Variants in EP400 observed in about 807,000 individuals in gnomAD.
The protein encoded by EP400 is E1A binding protein p400.
A neutral mutation model predicts 354.1 loss-of-function variants in EP400; 105 were observed. The ratio of observed to expected loss-of-function variants is 0.30; its 90% confidence interval spans 0.25 to 0.35. EP400 has a LOEUF of 0.35. Ranked by LOEUF, EP400 falls within the 10% of genes least tolerant of loss-of-function variation. The pLI, the probability that EP400 is intolerant of heterozygous loss-of-function variation, is 1.00. For missense variants in EP400, 3,280 were observed against 4,121.0 expected (o/e 0.80, Z 5.59); for synonymous variants, 1,646 against 1,716.9 (o/e 0.96, Z 1.02).
In EP400 at chr12:132,006,265, C is replaced by G. The variant is rs750870242; in HGVS notation, c.3089C>G (p.Ala1030Gly). 4.5e-5 allele frequency: 72 copies of G among 1,614,094 alleles called. No homozygotes were observed. Among genetic ancestry groups the G allele is most frequent in the Non-Finnish European group, 5.8e-5 (69 of 1,180,044 alleles). Reference protein sequence around the residue: ...DIADVTAVAEAILPKGSARVT... With the variant: ...DIADVTAVAEGILPKGSARVT... ...GCGGACGTCACTGCGGTGGCTGAAG[C>G]CATCCTGCCGAAGGGCAGTGCTCGG... The change falls in exon 14 of 53, where the codon GCC becomes GGC. Residue 1030 changes from alanine to glycine, a missense_variant. Physicochemically the swap from Ala to Gly is moderately conservative, Grantham distance 60. Coordinates refer to ENST00000389561, the MANE Select transcript of EP400 (RefSeq NM_015409.5).
At chr12:131,981,624 C>T in intron 4 of EP400, 28 bp downstream of exon 4, 1 of 1,558,430 alleles carries the variant, frequency 6.4e-7, no homozygotes, top group Non-Finnish European at 8.7e-7. Flanking sequence ...AGCCAGCTCC[C>T]CGCTCAGGAG....
chr12:131,957,736 C>T (rs925871825), intron 1 of EP400, among the ~76,000 whole-genome samples: 6 of 152,230 alleles, frequency 3.9e-5, no homozygotes, highest in African/African-American at 1.2e-4. Flanking sequence ...GCTGGGATTA[C>T]AGACGTGTGC....
Position 132,017,736 on chromosome 12 carries a change from C to A in EP400, c.4110+15C>A. 6.6e-7 allele frequency: 1 copy of A among 1,509,916 alleles called. No individual in the cohort carries two copies. Among genetic ancestry groups the A allele is most frequent in the South Asian group, 1.3e-5 (1 of 74,954 alleles). The allele number at this position is 1,509,916 out of a possible 1,614,324, so 93.5% of individuals were successfully genotyped here. A position where few individuals can be genotyped will look rare whatever the true frequency, so the allele number is the denominator to read the frequency against. On this transcript the variant is annotated intron_variant, in intron 20 of 52. Coordinates refer to ENST00000389561, the MANE Select transcript of EP400 (RefSeq NM_015409.5). The surrounding 1 kb of genome is among the most constrained non-coding windows in gnomAD (Gnocchi z 5.0). ...ATTTCTGGAAGGTAAGTGGAGGATC[C>A]AGAAAGCGGAATTACTGTTGGATAT...
intron 2 of EP400, among the ~76,000 whole-genome samples, chr12:131,963,050 T>C (rs1008175292): frequency 1.3e-5 from 2 of 152,272 alleles, no homozygotes; most frequent in African/African-American, 4.8e-5. Context: ...TCACCTCTAT[T>C]GTCCTGAAAT....
intron 22 of EP400, among the ~76,000 whole-genome samples, chr12:132,020,536 G>A (rs958324824): frequency 6.6e-5 from 10 of 152,192 alleles, no homozygotes; most frequent in Non-Finnish European, 1.0e-4. Flanking sequence ...TCCTGAGAAC[G>A]TCTGCTCATA....
chr12:131,997,197 GC>G (rs1225287567), intron 12 of EP400, among the ~76,000 whole-genome samples: 15 of 151,846 alleles, frequency 9.9e-5, no homozygotes, highest in Non-Finnish European at 2.2e-4. Context: ...CTTACTAATA[GC>G]CTACTGTTGA....
At position 132,017,642 on chromosome 12, in the gene EP400, G is replaced by T. The variant is rs1304241414; in HGVS notation, c.4031G>T (p.Gly1344Val). 1 of 1,606,722 alleles carries T rather than the reference G, an allele frequency of 6.2e-7. No homozygotes were observed. The highest frequency in any genetic ancestry group is 1.7e-5 in the Admixed American group (1 of 59,024). ...HPGLVEPRHP[G>V]SSYVAGPLEY... ...GGGCTCGTCGAGCCCCGGCACCCAG[G>T]CTCTTCCTACGTGGCGGGGCCACTG... Residue 1344 changes from glycine (G) to valine (V), a missense_variant, in exon 20 of 53, where the codon GGC (glycine) becomes GTC (valine). By Grantham distance (109) the Gly-to-Val change is moderately radical (BLOSUM62 -3). Around this residue, in one of 20 missense-constraint regions of EP400, gnomAD observed 342 missense variants for 342.7 expected, o/e 1.00. Transcript: ENST00000389561. The surrounding 1 kb of genome is among the most constrained non-coding windows in gnomAD (Gnocchi z 5.0).
intron 39 of EP400, among the ~76,000 whole-genome samples, chr12:132,046,257 A>G (rs778646376): frequency 3.3e-4 from 50 of 151,996 alleles, no homozygotes; most frequent in Admixed American, 2.7e-3. Context: ...ATATATATAC[A>G]TTTTCAAGAA....
chr12:132,056,328 G>A (rs1381146369), intron 45 of EP400, among the ~76,000 whole-genome samples: 3 of 152,048 alleles, frequency 2.0e-5, no homozygotes, highest in Non-Finnish European at 4.4e-5. Flanking sequence ...TGTCGTTGCT[G>A]TAGTAGCCTA....
intron 12 of EP400, among the ~76,000 whole-genome samples, chr12:131,999,137 G>T (rs1893321721): frequency 6.6e-6 from 1 of 151,852 alleles, no homozygotes; most frequent in Admixed American, 6.6e-5. Context: ...ATAACTGCAT[G>T]GTTCAAACCT....
At chr12:132,066,022 T>C (rs1051153887) in intron 48 of EP400, 5 of 152,232 alleles carry the variant, frequency 3.3e-5, no homozygotes, top group African/African-American at 1.2e-4. Flanking sequence ...TAGAGGAAAT[T>C]AAATGTCCAT....
chr12:131,983,628 G>T (rs1017635339), intron 5 of EP400, among the ~76,000 whole-genome samples: 1 of 152,218 alleles, frequency 6.6e-6, no homozygotes, highest in South Asian at 2.1e-4. Context: ...CCTTCCTTTT[G>T]CCTTCTCCCT....
chr12:131,972,433 G>A (rs1029791197), intron 2 of EP400, among the ~76,000 whole-genome samples: 6 of 151,948 alleles, frequency 3.9e-5, no homozygotes, highest in Admixed American at 1.3e-4. Flanking sequence ...GATTACAGGC[G>A]TGAGCCACCG....
rs764676697 is a variant in EP400, at chr12:132,006,131, C to A, written c.2955C>A (p.Gly985=). Residue 985 remains glycine, a synonymous_variant, in exon 14 of 53, where the codon GGC becomes GGA. Coordinates refer to ENST00000389561, the MANE Select transcript of EP400 (RefSeq NM_015409.5). ...TTACAGATGCAGATGACTGTCCAGG[C>A]GACAGGGAGAGTCGCAAGGACTTGG... ...SGEEDADDCP[G]DRESRKDLVL... 15 of 1,613,890 alleles carry A rather than the reference C, an allele frequency of 9.3e-6. No homozygotes were observed. In the South Asian group the frequency reaches 1.2e-4, roughly 13 times the overall value.
chr12:132,057,389 A>C (rs1413107825), intron 45 of EP400, among the ~76,000 whole-genome samples: 1 of 152,236 alleles, frequency 6.6e-6, no homozygotes, highest in Non-Finnish European at 1.5e-5. Flanking sequence ...TGCATTTTGC[A>C]GCTAAGTGAA....
Position 132,021,143 on chromosome 12 carries a change from G to C in EP400, c.4512G>C (p.Ser1504=), listed in dbSNP as rs761352121. The stretch of plus-strand genomic sequence containing the variant: ...GTGCTCCACGACACCAGCCCGCCTC[G>C]GCCTCCAGCACAGCCGCTAGCCCGG... The part of the protein sequence containing the change: ...SASAPRHQPA[S]ASSTAASPAH... The change falls in exon 23 of 53, where the codon TCG becomes TCC. Residue 1504 remains serine (S), a synonymous_variant. Coordinates refer to ENST00000389561, the MANE Select transcript of EP400 (RefSeq NM_015409.5). 6 of 1,600,206 alleles carry C rather than the reference G, an allele frequency of 3.7e-6. No homozygotes were observed. In the Admixed American group the frequency reaches 1.0e-4, roughly 27 times the overall value.
chr12:132,007,108 G>A (rs2047023469), intron 15 of EP400, among the ~76,000 whole-genome samples: 2 of 152,162 alleles, frequency 1.3e-5, no homozygotes, highest in Non-Finnish European at 2.9e-5. Context: ...ACAGAGACTC[G>A]TCAGGCTATG....
rs142436256 is a variant in EP400 at position 132,029,754 on chromosome 12, C to T, written c.5435C>T (p.Pro1812Leu). The stretch of plus-strand genomic sequence containing the variant: ...GCAGCACCCCCGTCCCTACGGGTGC[C>T]GCGGCCGCCACCCCTGTACAGCCAC... ...VVAAPPSLRV[P>L]RPPPLYSHRM... is the part of the protein sequence containing the mutation. Residue 1812 changes from proline (P) to leucine (L), a missense_variant, in exon 28 of 53, where the codon CCG becomes CTG. Physicochemically the swap from Pro to Leu is moderately conservative, Grantham distance 98 (BLOSUM62 -3). This residue lies in a region of EP400 where 459 missense variants were observed against 496.9 expected (regional missense o/e 0.92). Transcript: ENST00000389561. The surrounding 1 kb of genome is among the most constrained non-coding windows in gnomAD (Gnocchi z 4.7). 749 of 1,613,100 alleles carry T rather than the reference C, an allele frequency of 4.6e-4. 2 individuals are homozygous for T. The highest frequency in any genetic ancestry group is 3.9e-4 in the Non-Finnish European group (462 of 1,179,994).
intron 45 of EP400, 71 bp downstream of exon 45, chr12:132,055,279 T>A: frequency 2.4e-6 from 3 of 1,229,710 alleles, no homozygotes; most frequent in South Asian, 3.0e-5. Context: ...GTCTGTTAAT[T>A]CTTCTTCTTC....
Sources: gnomAD v4.1 joint callset for allele counts (sites outside exome capture counted in the v4.1 genomes callset) on GRCh38, gnomAD v4.1.1 for gene constraint, gnomAD v4.1.1 regional missense constraint, Gnocchi (gnomAD v3.1) non-coding constraint, MANE v1.5 for transcripts, NCBI Gene and HGNC (gene_info 2026-07-23, HGNC 2026-07-21) for gene names.